Variants in ZFHX3 observed in about 807,000 individuals in gnomAD.
The protein encoded by ZFHX3 is zinc finger homeobox 3, also known as zinc finger homeobox protein 3.
Under a neutral mutation model 279.1 loss-of-function variants are expected in ZFHX3, and 42 were observed. That is an observed-to-expected ratio of 0.15 (90% CI 0.12 to 0.19). The LOEUF (loss-of-function observed/expected upper bound fraction) is 0.19. Among genes scored for constraint, ZFHX3 ranks in the 10% least tolerant of loss-of-function variants. The pLI, the probability that ZFHX3 is intolerant of heterozygous loss-of-function variation, is 1.00. For missense variants in ZFHX3, 4,981 were observed against 4,754.0 expected (o/e 1.05, Z -1.40); for synonymous variants, 2,293 against 1,957.8 (o/e 1.17, Z -4.52).
intron 1 of ZFHX3, among the ~76,000 whole-genome samples, chr16:73,788,344 G>T (rs1296821992): frequency 6.6e-6 from 1 of 152,214 alleles, no homozygotes; most frequent in East Asian, 1.9e-4. Context: ...GGCTTGGAGA[G>T]AATAGTAGAG....
At chr16:73,659,276 C>A (rs1213937984) in intron 2 of ZFHX3, among the ~76,000 whole-genome samples, 1 of 152,108 alleles carries the variant, frequency 6.6e-6, no homozygotes, top group African/African-American at 2.4e-5. Flanking sequence ...CAAAAATGTA[C>A]ATACGTGCAA....
chr16:72,939,914 G>T (rs373998735), intron 3 of ZFHX3, among the ~76,000 whole-genome samples: 6 of 152,162 alleles, frequency 3.9e-5, no homozygotes, highest in African/African-American at 1.4e-4. Context: ...ATGTAGCTGG[G>T]ACTATAAGCA....
intron 3 of ZFHX3, among the ~76,000 whole-genome samples, chr16:73,409,763 G>A (rs2143456440): frequency 6.6e-6 from 1 of 152,276 alleles, no homozygotes; most frequent in Admixed American, 6.5e-5. Flanking sequence ...ATAACACAAT[G>A]GAGTACTATT....
At chr16:73,264,705 A>C (rs114017168) in intron 4 of ZFHX3, among the ~76,000 whole-genome samples, 1 of 152,006 alleles carries the variant, frequency 6.6e-6, no homozygotes, top group African/African-American at 2.4e-5. Flanking sequence ...CAGTGAACCC[A>C]GTTTCTAGTC....
chr16:73,064,670 A>C (rs1965724275), upstream of ZFHX3, among the ~76,000 whole-genome samples: 1 of 152,190 alleles, frequency 6.6e-6, no homozygotes, highest in Non-Finnish European at 1.5e-5. Context: ...GAGCGCCCGG[A>C]TCCTTGAAAG....
At chr16:73,461,049 C>T (rs1423806929) in intron 2 of ZFHX3, among the ~76,000 whole-genome samples, 1 of 152,186 alleles carries the variant, frequency 6.6e-6, no homozygotes, top group African/African-American at 2.4e-5. Context: ...ACTAATACAG[C>T]AACCTTGCCA....
At chr16:73,198,283 G>A (rs1014769499) in intron 5 of ZFHX3, among the ~76,000 whole-genome samples, 1 of 150,398 alleles carries the variant, frequency 6.6e-6, no homozygotes, top group Admixed American at 6.6e-5. Flanking sequence ...CACAAAGACT[G>A]TAAGTCTTTT....
chr16:73,807,170 A>T (rs1960298287), intron 1 of ZFHX3, among the ~76,000 whole-genome samples: 1 of 152,164 alleles, frequency 6.6e-6, no homozygotes, highest in Admixed American at 6.5e-5. Flanking sequence ...TCAGCTGTGG[A>T]TGCCTCTATT....
In ZFHX3 at chr16:72,783,754, G is replaced by T. The variant is rs2035226143; in HGVS notation, c.*3410C>A. On this transcript the variant is annotated 3_prime_UTR_variant, in exon 10 of 10. Coordinates refer to ENST00000268489, the MANE Select transcript of ZFHX3 (RefSeq NM_006885.4). ...AACCAAAAAACGAGTGTCAATGGAG[G>T]TGAAGAACTAATTTAAAAAGCAAGT... 6.6e-6 allele frequency: 1 copy of T among 152,190 alleles called. No homozygotes were observed. Among genetic ancestry groups the T allele is most frequent in the Non-Finnish European group, 1.5e-5 (1 of 68,036 alleles). 9.4% of individuals were successfully genotyped at this position (152,190 alleles called of 1,614,324 possible).
intron 3 of ZFHX3, among the ~76,000 whole-genome samples, chr16:72,946,793 G>A (rs961563283): frequency 6.6e-6 from 1 of 152,204 alleles, no homozygotes; most frequent in Non-Finnish European, 1.5e-5. Flanking sequence ...ACATCTCTAC[G>A]GGTGGAGAAG....
chr16:73,372,007 T>C (rs903318244), intron 3 of ZFHX3, among the ~76,000 whole-genome samples: 1 of 152,222 alleles, frequency 6.6e-6, no homozygotes, highest in Non-Finnish European at 1.5e-5. Context: ...TTTCTACTCT[T>C]TCCACTTCCA....
chr16:73,352,390 T>C (rs1164696556), intron 3 of ZFHX3, among the ~76,000 whole-genome samples: 1 of 151,890 alleles, frequency 6.6e-6, no homozygotes, highest in Non-Finnish European at 1.5e-5. Context: ...GAAATGAGGA[T>C]AACGGCTCCT....
chr16:73,380,238 A>G (rs1051619309), intron 3 of ZFHX3, among the ~76,000 whole-genome samples: 11 of 152,220 alleles, frequency 7.2e-5, no homozygotes, highest in African/African-American at 2.4e-4. Context: ...TATATAAGGG[A>G]AAAAAGAGCT....
intron 2 of ZFHX3, among the ~76,000 whole-genome samples, chr16:73,650,888 G>C (rs1203683081): frequency 6.6e-6 from 1 of 151,908 alleles, no homozygotes; most frequent in Admixed American, 6.6e-5. Flanking sequence ...GTATGTTAGG[G>C]AAAAATGCAA....
chr16:73,789,175 A>AT (rs923335341), intron 1 of ZFHX3, among the ~76,000 whole-genome samples: 8 of 151,664 alleles, frequency 5.3e-5, no homozygotes, highest in Admixed American at 5.3e-4. Flanking sequence ...ATAGATATGG[A>AT]TTTTTTTATT....
chr16:72,960,235 AAG>A lies in ZFHX3; in HGVS notation c.-49-43_-49-42del, dbSNP rs1961509775. The A allele has an allele frequency of 6.1e-5, 88 of 1,448,980 alleles. No individual in the cohort carries two copies. The South Asian group carries it at 6.8e-4, about 11-fold the overall frequency. The allele number at this position is 1,448,980 out of a possible 1,614,324, so 89.8% of individuals were successfully genotyped here. A position where few individuals can be genotyped will look rare whatever the true frequency, so the allele number is the denominator to read the frequency against. Reference sequence around the variant, plus strand: ...AAGGGGGGAGGAGGGAGAGAGGGGAAAGAGAGAGAGAAAGGAAAGAGGTTAGG... The same window carrying A: ...AAGGGGGGAGGAGGGAGAGAGGGGAAAGAGAGAGAAAGGAAAGAGGTTAGG... On this transcript the variant is annotated intron_variant, in intron 1 of 9. Coordinates refer to ENST00000268489, the MANE Select transcript of ZFHX3 (RefSeq NM_006885.4).
intron 4 of ZFHX3, among the ~76,000 whole-genome samples, chr16:73,296,022 C>A (rs1427388705): frequency 6.6e-6 from 1 of 152,054 alleles, no homozygotes; most frequent in Non-Finnish European, 1.5e-5. Context: ...ACAGTCCATG[C>A]ATCATCCCCA....
intron 1 of ZFHX3, among the ~76,000 whole-genome samples, chr16:73,754,390 AAG>A (rs1453653126): frequency 1.3e-5 from 2 of 152,056 alleles, no homozygotes; most frequent in African/African-American, 4.8e-5. Context: ...TGACTCCGGG[AAG>A]AGAGAGGTTT....
At chr16:73,589,333 G>A (rs908649432) in intron 2 of ZFHX3, among the ~76,000 whole-genome samples, 23 of 149,506 alleles carry the variant, frequency 1.5e-4, no homozygotes, top group African/African-American at 5.7e-4. Flanking sequence ...CTGCTTGGGA[G>A]GCTGAAGTAG....
Sources: allele counts gnomAD v4.1 joint callset (sites outside exome capture counted in the v4.1 genomes callset), GRCh38; gene constraint gnomAD v4.1.1; transcripts MANE v1.5; gene names NCBI Gene and HGNC (gene_info 2026-07-23, HGNC 2026-07-21).